Variants in CDK13 observed in about 807,000 individuals in gnomAD.
CDK13 encodes the protein cyclin dependent kinase 13.
Under a neutral mutation model 137.6 loss-of-function variants are expected in CDK13, and 40 were observed. The observed-to-expected ratio is 0.29, with a 90% CI of 0.23 to 0.38. The LOEUF is 0.38. Ranked by LOEUF, CDK13 falls within the 10% of genes least tolerant of loss-of-function variation. CDK13 has a pLI of 1.00. For synonymous variants in CDK13, 869 were observed against 760.1 expected (o/e 1.14, Z -2.36); for missense variants, 1,704 against 1,951.8 (o/e 0.87, Z 2.39).
intron 9 of CDK13, among the ~76,000 whole-genome samples, chr7:40,067,079 C>G (rs565755307): frequency 6.6e-6 from 1 of 152,108 alleles, no homozygotes; most frequent in Non-Finnish European, 1.5e-5. Flanking sequence ...AAGAGTTTCA[C>G]TTGAATTATC....
At chr7:40,008,353 C>T (rs1784834347) in intron 5 of CDK13, among the ~76,000 whole-genome samples, 1 of 152,200 alleles carries the variant, frequency 6.6e-6, no homozygotes, top group Admixed American at 6.5e-5. Context: ...ACATTTTCAT[C>T]ATCTTAGCAT....
In CDK13 at chr7:39,951,298, G is replaced by T; in HGVS notation, c.657G>T (p.Arg219=). The change falls in exon 1 of 14, where the codon CGG becomes CGT. Residue 219 remains arginine, a synonymous_variant. Coordinates refer to ENST00000181839, the MANE Select transcript of CDK13 (RefSeq NM_003718.5). ...AGCGCCACCGCGAGCACCGGCGGCG[G>T]GATGGGCAGCGCGGTGGCAGCGAGG... ...SKERHREHRR[R]DGQRGGSEAS... is the part of the protein sequence containing the mutation. 7.3e-7 allele frequency: 1 copy of T among 1,370,646 alleles called. No individual in the cohort carries two copies. The highest frequency in any genetic ancestry group is 1.7e-5 in the South Asian group (1 of 58,470). 84.9% of individuals were successfully genotyped at this position (1,370,646 alleles called of 1,614,324 possible). A position where few individuals can be genotyped will look rare whatever the true frequency, so the allele number is the denominator to read the frequency against.
At chr7:40,026,580 A>T (rs921686797) in intron 5 of CDK13, among the ~76,000 whole-genome samples, 1 of 152,218 alleles carries the variant, frequency 6.6e-6, no homozygotes, top group Non-Finnish European at 1.5e-5. Flanking sequence ...TCTTTCCTTA[A>T]ATAACCTCAT....
chr7:40,000,155 C>CGGCTGAGACAGGCAGAT lies in CDK13; in HGVS notation c.2182+655_2182+656insGGCTGAGACAGGCAGAT, dbSNP rs1784653328. On this transcript the variant is annotated intron_variant, in intron 4 of 13. Coordinates refer to ENST00000181839, the MANE Select transcript of CDK13 (RefSeq NM_003718.5). ...CTTTGGGAGGCTGAGACAGGCAGAT[C>CGGCTGAGACAGGCAGAT]ACCTAAGGCCAGGAGTTCGAGACCA... Among the ~76,000 whole-genome samples, 10 of 152,134 alleles carry CGGCTGAGACAGGCAGAT rather than the reference C, an allele frequency of 6.6e-5. No homozygotes were observed. In the South Asian group the frequency reaches 1.9e-3, roughly 28 times the overall value.
chr7:40,080,726 A>G (rs894018304), intron 11 of CDK13, among the ~76,000 whole-genome samples: 1 of 152,236 alleles, frequency 6.6e-6, no homozygotes, highest in African/African-American at 2.4e-5. Flanking sequence ...AATAGGAAGA[A>G]TAGTACAAAG....
intron 13 of CDK13, among the ~76,000 whole-genome samples, chr7:40,093,595 C>T (rs1471642508): frequency 6.6e-6 from 1 of 152,168 alleles, no homozygotes; most frequent in Non-Finnish European, 1.5e-5. Flanking sequence ...CTGCACCTAG[C>T]CGTAATTAGC....
intron 7 of CDK13, among the ~76,000 whole-genome samples, chr7:40,053,576 A>G (rs1443373835): frequency 6.6e-6 from 1 of 151,676 alleles, no homozygotes; most frequent in East Asian, 1.9e-4. Flanking sequence ...TATACTTCTC[A>G]CCTGAGTTTG....
intron 5 of CDK13, among the ~76,000 whole-genome samples, chr7:40,013,062 A>G (rs771465634): frequency 1.3e-5 from 2 of 152,200 alleles, no homozygotes; most frequent in Non-Finnish European, 2.9e-5. Flanking sequence ...TGTACCTACA[A>G]TTAAGTACTG....
intron 7 of CDK13, among the ~76,000 whole-genome samples, chr7:40,058,128 A>AG (rs1786061554): frequency 6.6e-6 from 1 of 152,136 alleles, no homozygotes; most frequent in Non-Finnish European, 1.5e-5. Flanking sequence ...GTGATGAGAA[A>AG]GGGAAAACTT....
intron 1 of CDK13, among the ~76,000 whole-genome samples, chr7:39,967,162 A>G (rs868828368): frequency 5.2e-5 from 7 of 135,432 alleles, no homozygotes; most frequent in Non-Finnish European, 8.4e-5. Flanking sequence ...GTGCAGTGGC[A>G]CACGCCTGTA....
In CDK13 at chr7:40,077,105, C is replaced by T. The variant is rs374874225; in HGVS notation, c.2781-900C>T. 3.9e-4 allele frequency among the ~76,000 whole-genome samples: 60 copies of T among 152,226 alleles called. 1 individual carries two copies. The South Asian group carries it at 0.012, about 31-fold the overall frequency. On this transcript the variant is annotated intron_variant, in intron 9 of 13. Transcript: ENST00000181839. Reference sequence around the variant, plus strand: ...TAAAATAATGAGGATTTTCAAGATACAGATAAACGAGAGTAAAGCAGTTAA... The same window carrying T: ...TAAAATAATGAGGATTTTCAAGATATAGATAAACGAGAGTAAAGCAGTTAA...
chr7:39,951,805 C>G lies in CDK13; in HGVS notation c.1164C>G (p.Ser388Arg). 8 of 1,455,912 alleles carry G rather than the reference C, an allele frequency of 5.5e-6. No homozygotes were observed. The highest frequency in any genetic ancestry group is 7.2e-6 in the Non-Finnish European group (8 of 1,113,868). The allele number at this position is 1,455,912 out of a possible 1,614,324, so 90.2% of individuals were successfully genotyped here. A position where few individuals can be genotyped will look rare whatever the true frequency, so the allele number is the denominator to read the frequency against. Residue 388 changes from serine (S) to arginine (R), a missense_variant, in exon 1 of 14, where the codon AGC becomes AGG. Physicochemically the swap from Ser to Arg is moderately radical, Grantham distance 110. Coordinates refer to ENST00000181839, the MANE Select transcript of CDK13 (RefSeq NM_003718.5). Reference sequence around the variant, plus strand: ...GCGACGTGTCCCCTAGTCCCTACAGCAGCAGCAGCTGGCGCCGCTCTCGCA... The same window carrying G: ...GCGACGTGTCCCCTAGTCCCTACAGGAGCAGCAGCTGGCGCCGCTCTCGCA... ...RGGDVSPSPYSSSSWRRSRSP... is the reference protein window; with the variant it reads ...RGGDVSPSPYRSSSWRRSRSP...
rs1478356869 is a variant in CDK13 at position 40,085,578 on chromosome 7, G to A, written c.3030-2548G>A. ...TATCTGAATTTAAGGTATCCCAACA[G>A]AGACTGAGACCCACATCATATCATA... On this transcript the variant is annotated intron_variant, in intron 11 of 13. Transcript: ENST00000181839. 4 of 152,658 alleles carry A rather than the reference G, an allele frequency of 2.6e-5. No individual in the cohort carries two copies. The East Asian group carries it at 7.7e-4, about 29-fold the overall frequency. 9.5% of individuals were successfully genotyped at this position (152,658 alleles called of 1,614,324 possible). A position where few individuals can be genotyped will look rare whatever the true frequency, so the allele number is the denominator to read the frequency against.
At chr7:39,954,423 T>G (rs563314722) in intron 1 of CDK13, among the ~76,000 whole-genome samples, 1 of 152,378 alleles carries the variant, frequency 6.6e-6, no homozygotes, top group Non-Finnish European at 1.5e-5. Flanking sequence ...TGGCCCATGT[T>G]CTTTAATGAA....
rs762993384 is a variant in CDK13 at position 40,092,919 on chromosome 7, C to T, written c.3370C>T (p.Gln1124Ter). ...LNIKVNSETQ[Q>*]QLNKINLPAG... The stretch of plus-strand genomic sequence containing the variant: ...CATTAAGGTAAACTCTGAGACTCAA[C>T]AGCAGCTAAATAAAATAAACCTTCC... Residue 1124 changes from glutamine to a stop codon, truncating the protein, a stop_gained, in exon 13 of 14, where the codon CAG becomes TAG. Transcript: ENST00000181839. LOFTEE classifies it high-confidence loss of function. 5 of 1,614,158 alleles carry T rather than the reference C, an allele frequency of 3.1e-6. No homozygotes were observed. The highest frequency in any genetic ancestry group is 1.7e-5 in the Admixed American group (1 of 60,016).
In CDK13 at chr7:40,097,088, A is replaced by G. The variant is rs973948711; in HGVS notation, c.*2108A>G. On this transcript the variant is annotated 3_prime_UTR_variant, in exon 14 of 14. Coordinates refer to ENST00000181839, the MANE Select transcript of CDK13 (RefSeq NM_003718.5). ...CTACAGTTGAAGATATTTATGTGAC[A>G]TGAATAGCCTGTGTTTTAAAAATTA... is the stretch of plus-strand genomic sequence containing the variant. 46 of 152,170 alleles carry G rather than the reference A, an allele frequency of 3.0e-4. No individual in the cohort carries two copies. The highest frequency in any genetic ancestry group is 2.1e-4 in the Non-Finnish European group (14 of 67,990). The allele number at this position is 152,170 out of a possible 1,614,324, so 9.4% of individuals were successfully genotyped here. A position where few individuals can be genotyped will look rare whatever the true frequency, so the allele number is the denominator to read the frequency against.
At chr7:40,057,354 C>T (rs1277878208) in intron 7 of CDK13, among the ~76,000 whole-genome samples, 1 of 152,212 alleles carries the variant, frequency 6.6e-6, no homozygotes, top group Non-Finnish European at 1.5e-5. Context: ...TTCAATACAG[C>T]TATTCAGAGA....
intron 1 of CDK13, among the ~76,000 whole-genome samples, chr7:39,980,796 C>A (rs759668296): frequency 6.6e-6 from 1 of 152,220 alleles, no homozygotes; most frequent in Non-Finnish European, 1.5e-5. Flanking sequence ...AAGACCTAGA[C>A]TCCTGGAGAA....
chr7:40,039,783 T>C (rs1213401379), intron 5 of CDK13, among the ~76,000 whole-genome samples: 1 of 152,128 alleles, frequency 6.6e-6, no homozygotes, highest in Non-Finnish European at 1.5e-5. Context: ...CTAATTTTTT[T>C]CCAGGTTGCT....
Sources: allele counts gnomAD v4.1 joint callset (sites outside exome capture counted in the v4.1 genomes callset), GRCh38; gene constraint gnomAD v4.1.1; transcripts MANE v1.5; gene names NCBI Gene and HGNC (gene_info 2026-07-23, HGNC 2026-07-21).